The following TCF7L2 variants were observed in gnomAD, a reference collection of about 807,000 sequenced individuals.
TCF7L2 encodes transcription factor 7-like 2.
TCF7L2 carries 23 observed loss-of-function variants against 77.9 expected under a neutral mutation model. That is an observed-to-expected ratio of 0.30 (90% confidence interval 0.21 to 0.42). The LOEUF is 0.42. TCF7L2 is among the 10% of genes least tolerant of loss of function. The probability of loss-of-function intolerance (pLI) is 1.00; values close to 1 mark genes in which losing one functional copy is unlikely to be tolerated. For missense variants in TCF7L2, 654 were observed against 793.1 expected, an observed-to-expected ratio of 0.82 and a Z score of 2.11; for synonymous variants, 413 against 340.2, an observed-to-expected ratio of 1.21 and a Z score of -2.36.
At chr10:112,966,201 TA>T (rs2036834484) in intron 4 of TCF7L2, among the ~76,000 whole-genome samples, 1 of 139,520 alleles carries the variant, frequency 7.2e-6, no homozygotes, top group Non-Finnish European at 1.5e-5. Flanking sequence ...TATATATATA[TA>T]TATATATATT....
chr10:113,013,543 G>C (rs543830765), intron 4 of TCF7L2, among the ~76,000 whole-genome samples: 1 of 152,210 alleles, frequency 6.6e-6, no homozygotes, highest in Non-Finnish European at 1.5e-5. Context: ...ATTTTGAAGT[G>C]GGGGCTCATA....
chr10:113,156,875 G>C (rs981164308), intron 11 of TCF7L2, among the ~76,000 whole-genome samples: 4 of 152,214 alleles, frequency 2.6e-5, no homozygotes, highest in African/African-American at 9.6e-5. Flanking sequence ...TACCTAACTC[G>C]TCAGTTTTCT....
intron 4 of TCF7L2, among the ~76,000 whole-genome samples, chr10:112,970,478 C>T (rs1030644483): frequency 5.9e-5 from 9 of 151,726 alleles, no homozygotes; most frequent in Non-Finnish European, 4.4e-5. Flanking sequence ...GTCCTTACCC[C>T]ATGTTGGCCA....
rs528962598 is a variant in TCF7L2 at position 112,982,224 on chromosome 10, C to CT, written c.450+17610dup. ...CTATCCCAGTATTTAATTTCCACCA[C>CT]TTTTTTTTTTAAAAAATAACATAAG... is the stretch of plus-strand genomic sequence containing the variant. On this transcript the variant is annotated intron_variant, in intron 4 of 13. Transcript: ENST00000627217. Among the ~76,000 whole-genome samples the CT allele has an allele frequency of 3.4e-3, 505 of 150,148 alleles. 2 individuals carry two copies. Among genetic ancestry groups the CT allele is most frequent in the African/African-American group, 6.3e-3 (260 of 41,068 alleles).
intron 5 of TCF7L2, among the ~76,000 whole-genome samples, chr10:113,064,465 T>A (rs57543781): frequency 6.6e-6 from 1 of 152,028 alleles, no homozygotes; most frequent in Non-Finnish European, 1.5e-5. Context: ...ATTATATAAG[T>A]ATGCCTACCT....
chr10:112,977,629 G>A (rs1201749257), intron 4 of TCF7L2, among the ~76,000 whole-genome samples: 2 of 152,226 alleles, frequency 1.3e-5, no homozygotes, highest in Admixed American at 1.3e-4. Context: ...TTATGGGGCA[G>A]ACCTGTAGAG....
chr10:113,009,621 A>G (rs1488223552), intron 4 of TCF7L2, among the ~76,000 whole-genome samples: 1 of 152,066 alleles, frequency 6.6e-6, no homozygotes, highest in Non-Finnish European at 1.5e-5. Flanking sequence ...CTCAAGGGGG[A>G]ATGTTACTGC....
At chr10:113,070,264 A>ATTTAT (rs1564851121) in intron 5 of TCF7L2, among the ~76,000 whole-genome samples, 2 of 49,574 alleles carry the variant, frequency 4.0e-5, no homozygotes, top group Non-Finnish European at 6.9e-5. Context: ...TAAAAAAAAA[A>ATTTAT]AAATTTATAT....
intron 4 of TCF7L2, among the ~76,000 whole-genome samples, chr10:113,034,416 C>T (rs1415786679): frequency 3.3e-5 from 5 of 152,084 alleles, no homozygotes; most frequent in Non-Finnish European, 7.4e-5. Flanking sequence ...TAGGAGCAGC[C>T]ACCTTGATGC....
At chr10:113,094,932 A>G (rs909476214) in intron 5 of TCF7L2, among the ~76,000 whole-genome samples, 4 of 152,208 alleles carry the variant, frequency 2.6e-5, no homozygotes, top group African/African-American at 9.6e-5. Context: ...CAGCCTGGCC[A>G]ACATGGCAAA....
chr10:113,004,724 G>A (rs1258122593), intron 4 of TCF7L2, among the ~76,000 whole-genome samples: 1 of 151,736 alleles, frequency 6.6e-6, no homozygotes, highest in East Asian at 1.9e-4. Context: ...CCAGGTTGGA[G>A]TGCAATGGTG....
At chr10:113,085,286 T>G (rs2059724303) in intron 5 of TCF7L2, among the ~76,000 whole-genome samples, 1 of 151,794 alleles carries the variant, frequency 6.6e-6, no homozygotes, top group Non-Finnish European at 1.5e-5. Flanking sequence ...CCCAGTCTAG[T>G]CTTGAACTCT....
intron 5 of TCF7L2, chr10:113,125,417 C>T (rs1281321108): frequency 1.3e-5 from 2 of 151,652 alleles, no homozygotes; most frequent in Non-Finnish European, 2.9e-5. Flanking sequence ...ATCTCTACTT[C>T]ATTAAAAGCG....
chr10:112,959,996 T>C (rs2134435617), intron 3 of TCF7L2, among the ~76,000 whole-genome samples: 1 of 151,708 alleles, frequency 6.6e-6, no homozygotes. Flanking sequence ...TTTTTTTTAA[T>C]ATAGATAAGA....
chr10:113,145,609 A>C (rs1025384176), intron 7 of TCF7L2, among the ~76,000 whole-genome samples: 1 of 151,666 alleles, frequency 6.6e-6, no homozygotes. Context: ...AGCGCAACTG[A>C]AGTCCTTTGA....
intron 4 of TCF7L2, among the ~76,000 whole-genome samples, chr10:112,990,044 G>A (rs758931525): frequency 2.6e-5 from 4 of 152,108 alleles, no homozygotes; most frequent in East Asian, 1.9e-4. Flanking sequence ...AGGTTGGCAC[G>A]TTGCAGAAAT....
At chr10:113,101,207 A>G (rs568463774) in intron 5 of TCF7L2, among the ~76,000 whole-genome samples, 2 of 152,276 alleles carry the variant, frequency 1.3e-5, no homozygotes, top group East Asian at 3.9e-4. Context: ...TTCAGATTTA[A>G]TGATAAAGTC....
chr10:113,137,021 CT>C (rs111976110), intron 5 of TCF7L2, among the ~76,000 whole-genome samples: 134 of 144,812 alleles, frequency 9.3e-4, no homozygotes, highest in African/African-American at 2.3e-3. Flanking sequence ...CTCCACCTGC[CT>C]TTTTTTTTTT....
chr10:113,165,436 G>A, intron 13 of TCF7L2, 119 bp from the exon 15 acceptor site: 5 of 1,124,472 alleles, frequency 4.4e-6, no homozygotes, highest in South Asian at 1.5e-5. Context: ...GGACCACTGG[G>A]CGTGCCACCT....
Sources: allele counts gnomAD v4.1 joint callset (sites outside exome capture counted in the v4.1 genomes callset), GRCh38; gene constraint gnomAD v4.1.1; transcripts MANE v1.5; gene names NCBI Gene and HGNC (gene_info 2026-07-23, HGNC 2026-07-21).